FLT4: variants seen among roughly 807,000 people sequenced by gnomAD.
FLT4 encodes the protein fms related receptor tyrosine kinase 4.
FLT4 carries 30 observed loss-of-function variants against 163.2 expected under a neutral mutation model. The observed-to-expected ratio is 0.18, with a 90% CI of 0.14 to 0.25. The LOEUF (loss-of-function observed/expected upper bound fraction) is 0.25, where lower values mean the gene tolerates loss of function less well. Ranked by LOEUF, FLT4 falls within the 10% of genes least tolerant of loss-of-function variation. The probability of loss-of-function intolerance (pLI) is 1.00; values close to 1 mark genes in which losing one functional copy is unlikely to be tolerated. For missense variants in FLT4, 1,510 were observed against 1,863.8 expected (o/e 0.81, Z 3.50); for synonymous variants, 884 against 789.5 (o/e 1.12, Z -2.01).
intron 1 of FLT4, among the ~76,000 whole-genome samples, chr5:180,635,093 G>GATGC (rs1203373721): frequency 3.9e-5 from 1 of 25,400 alleles, no homozygotes; most frequent in Non-Finnish European, 8.4e-5. Context: ...TGGGTGGATG[G>GATGC]ATGGATGGAT....
chr5:180,610,939 C>T (rs1419865813), intron 27 of FLT4, among the ~76,000 whole-genome samples: 2 of 152,162 alleles, frequency 1.3e-5, no homozygotes, highest in Non-Finnish European at 2.9e-5. Flanking sequence ...TGCCTGTAGT[C>T]CCAGCTACTC....
intron 8 of FLT4, among the ~76,000 whole-genome samples, chr5:180,626,762 G>C (rs1031854504): frequency 1.2e-4 from 19 of 152,226 alleles, no homozygotes; most frequent in African/African-American, 4.6e-4. Context: ...GCACAGTCTA[G>C]CTCCTTGACA....
rs906650873 is a variant in FLT4 at position 180,636,074 on chromosome 5, T to C, written c.59-4296A>G. 6.6e-5 allele frequency among the ~76,000 whole-genome samples: 10 copies of C among 151,906 alleles called. No homozygotes were observed. Among genetic ancestry groups the C allele is most frequent in the African/African-American group, 2.4e-4 (10 of 41,300 alleles). On this transcript the variant is annotated intron_variant, in intron 1 of 29. Coordinates refer to ENST00000261937, the MANE Select transcript of FLT4 (RefSeq NM_182925.5). This position sits in a 1 kb window ranked among gnomAD's most constrained non-coding sequence, Gnocchi z 4.3. ...TGAAGGGTGGATGGGGAGAGGAGTC[T>C]GTAGGAGCTTCCTCCTGAAGGCACC...
At chr5:180,632,599 GGTGTGTGTGTGT>G (rs36217296) in intron 1 of FLT4, among the ~76,000 whole-genome samples, 36,507 of 150,616 alleles carry the variant, frequency 0.24, 4,827 homozygotes, top group East Asian at 0.47. Flanking sequence ...CCCGTGAGGT[GGTGTGTGTGTGT>G]GTGTGTGTGT....
intron 8 of FLT4, among the ~76,000 whole-genome samples, chr5:180,626,691 G>C (rs1481222433): frequency 6.6e-6 from 1 of 152,310 alleles, no homozygotes; most frequent in East Asian, 1.9e-4. Context: ...AGCTGGGCAC[G>C]GCCTGGAGAC....
intron 1 of FLT4, among the ~76,000 whole-genome samples, chr5:180,637,096 T>C (rs1202890815): frequency 2.6e-5 from 4 of 152,130 alleles, no homozygotes; most frequent in Admixed American, 1.3e-4. Flanking sequence ...GGCTCATGCC[T>C]GTAATCCCAG....
At chr5:180,637,613 A>G (rs1764787701) in intron 1 of FLT4, among the ~76,000 whole-genome samples, 1 of 152,030 alleles carries the variant, frequency 6.6e-6, no homozygotes, top group South Asian at 2.1e-4. Context: ...GCTCACTGCA[A>G]CGTCCACCTT....
At chr5:180,647,995 A>C (rs1319699999) in intron 1 of FLT4, among the ~76,000 whole-genome samples, 3 of 152,046 alleles carry the variant, frequency 2.0e-5, no homozygotes, top group Admixed American at 6.5e-5. Context: ...CCCCTCCTCC[A>C]GGGTTCCCCT....
chr5:180,610,153 G>A (rs1762060645), intron 27 of FLT4, 128 bp from the exon 28 acceptor site: 3 of 1,358,286 alleles, frequency 2.2e-6, no homozygotes, highest in South Asian at 2.5e-5. Flanking sequence ...GTATGGATGG[G>A]CCTGGGCCTG....
rs147634448 is a variant in FLT4, at chr5:180,630,263, G to A, written c.475C>T (p.Leu159=). The A allele has an allele frequency of 1.9e-6, 3 of 1,612,700 alleles. No individual in the cohort carries two copies. Among genetic ancestry groups the A allele is most frequent in the Non-Finnish European group, 2.5e-6 (3 of 1,179,962 alleles). The change falls in exon 4 of 30, where the codon CTG becomes TTG. Residue 159 remains leucine (L), a synonymous_variant. Coordinates refer to ENST00000261937, the MANE Select transcript of FLT4 (RefSeq NM_182925.5). This position sits in a 1 kb window ranked among gnomAD's most constrained non-coding sequence, Gnocchi z 6.3. ...NRKDAMWVPC[L]VSIPGLNVTL... Reference sequence around the variant, plus strand: ...ACATTGAGGCCGGGGATGGACACCAGACAGGGCACCCACATGGCGTCCTTC... The same window carrying A: ...ACATTGAGGCCGGGGATGGACACCAAACAGGGCACCCACATGGCGTCCTTC...
chr5:180,639,501 C>T (rs28478982), intron 1 of FLT4, among the ~76,000 whole-genome samples: 2 of 150,222 alleles, frequency 1.3e-5, no homozygotes, highest in South Asian at 2.1e-4. Flanking sequence ...GAAGGATGAA[C>T]GAATGGCTGG....
At chr5:180,627,982 G>A (rs528236248) in intron 8 of FLT4, among the ~76,000 whole-genome samples, 1 of 152,226 alleles carries the variant, frequency 6.6e-6, no homozygotes, top group South Asian at 2.1e-4. Context: ...CAGGAGAGAC[G>A]AGCCCCCAGC....
In FLT4 at chr5:180,622,747, G is replaced by A. The variant is rs994314341; in HGVS notation, c.1641C>T (p.Ile547=). 1 of 1,610,468 alleles carries A rather than the reference G, an allele frequency of 6.2e-7. No individual in the cohort carries two copies. Among genetic ancestry groups the A allele is most frequent in the Admixed American group, 1.7e-5 (1 of 60,010 alleles). Residue 547 remains isoleucine, a synonymous_variant, in exon 12 of 30, where the codon ATC becomes ATT. Transcript: ENST00000261937. The part of the protein sequence containing the change: ...SNKVGQDERL[I]YFYVTTIPDG... ...GTCACTCACTGGTCACATAGAAGTA[G>A]ATGAGCCGCTCATCCTGGCCCACCT...
At chr5:180,619,856 C>T in intron 17 of FLT4, 87 bp from the exon 18 acceptor site, 1 of 984,334 alleles carries the variant, frequency 1.0e-6, no homozygotes, top group Non-Finnish European at 1.6e-6. Context: ...GTGCAGAGGT[C>T]CAGGAGGACA....
At chr5:180,609,825 A>T in intron 28 of FLT4, 80 bp downstream of exon 28, 3 of 1,565,676 alleles carry the variant, frequency 1.9e-6, no homozygotes, top group South Asian at 2.2e-5. Context: ...CATTTGCCTT[A>T]CGAATTCCTG....
chr5:180,649,567 C>G lies in FLT4; in HGVS notation c.-22G>C. Reference sequence around the variant, plus strand: ...GCATCTCCGGCCGCTGCGCGTGGGTCCGACCCGAGCGGCCGCGGCTCGGGG... The same window carrying G: ...GCATCTCCGGCCGCTGCGCGTGGGTGCGACCCGAGCGGCCGCGGCTCGGGG... On this transcript the variant is annotated 5_prime_UTR_variant, in exon 1 of 30. Coordinates refer to ENST00000261937, the MANE Select transcript of FLT4 (RefSeq NM_182925.5). The G allele has an allele frequency of 1.4e-6, 2 of 1,380,062 alleles. No homozygotes were observed. The highest frequency in any genetic ancestry group is 1.9e-6 in the Non-Finnish European group (2 of 1,062,666). The allele number at this position is 1,380,062 out of a possible 1,614,324, so 85.5% of individuals were successfully genotyped here.
In FLT4 at chr5:180,629,279, C is replaced by G; in HGVS notation, c.965G>C (p.Ser322Thr). The change falls in exon 7 of 30, where the codon AGC (serine) becomes ACC (threonine). Residue 322 changes from serine to threonine, a missense_variant. Around this residue, in one of 5 missense-constraint regions of FLT4, gnomAD observed 163 missense variants for 281.1 expected, o/e 0.58. Coordinates refer to ENST00000261937, the MANE Select transcript of FLT4 (RefSeq NM_182925.5). ...CATACCATGCACAATGACCTCGGTG[C>G]TCTCCCGAAATCGCTGGATGCCGTT... ...ANNGIQRFRE[S>T]TEVIVHENPF... is the part of the protein sequence containing the mutation. The G allele has an allele frequency of 1.2e-6, 2 of 1,613,188 alleles. No individual in the cohort carries two copies. Among genetic ancestry groups the G allele is most frequent in the South Asian group, 2.2e-5 (2 of 91,080 alleles).
At position 180,621,693 on chromosome 5, in the gene FLT4, G is replaced by C; in HGVS notation, c.1869C>G (p.Ser623Arg). The C allele has an allele frequency of 6.2e-7, 1 of 1,612,554 alleles. No individual in the cohort carries two copies. Among genetic ancestry groups the C allele is most frequent in the Non-Finnish European group, 8.5e-7 (1 of 1,179,756 alleles). ...GCGCCCCAGGTGCCACCTCCTCCAG[G>C]CTGGCGGCCAGAGGGGTGGCGAACA... ...VHLFATPLAA[S>R]LEEVAPGARH... The change falls in exon 13 of 30, where the codon AGC becomes AGG. Residue 623 changes from serine (S) to arginine (R), a missense_variant. This residue lies in a region of FLT4 where 878 missense variants were observed against 1,016.7 expected (regional missense o/e 0.86). Coordinates refer to ENST00000261937, the MANE Select transcript of FLT4 (RefSeq NM_182925.5).
In FLT4 at chr5:180,630,498, G is replaced by T. The variant is rs1764019007; in HGVS notation, c.400+57C>A. ...GCCCAGGGTCCACAGGCTGGGGGCG[G>T]TGTGGGCCCCAGCTGCCCGGGACCC... On this transcript the variant is annotated intron_variant, in intron 3 of 29. Coordinates refer to ENST00000261937, the MANE Select transcript of FLT4 (RefSeq NM_182925.5). This position sits in a 1 kb window ranked among gnomAD's most constrained non-coding sequence, Gnocchi z 6.3. The T allele has an allele frequency of 6.2e-7, 1 of 1,606,622 alleles. No individual in the cohort carries two copies. Among genetic ancestry groups the T allele is most frequent in the Non-Finnish European group, 8.5e-7 (1 of 1,177,014 alleles).
Sources: gnomAD v4.1 joint callset for allele counts (sites outside exome capture counted in the v4.1 genomes callset) on GRCh38, gnomAD v4.1.1 for gene constraint, gnomAD v4.1.1 regional missense constraint, Gnocchi (gnomAD v3.1) non-coding constraint, MANE v1.5 for transcripts, NCBI Gene and HGNC (gene_info 2026-07-23, HGNC 2026-07-21) for gene names.